PAFAH1B1: variants seen among roughly 807,000 people sequenced by gnomAD.
PAFAH1B1 encodes platelet activating factor acetylhydrolase 1b regulatory subunit 1.
Under a neutral mutation model 57.5 loss-of-function variants are expected in PAFAH1B1, and 2 were observed. The observed-to-expected ratio is 0.03, with a 90% CI of 0.01 to 0.11. The LOEUF (loss-of-function observed/expected upper bound fraction) is 0.11. Among genes scored for constraint, PAFAH1B1 ranks in the 10% least tolerant of loss-of-function variants. The pLI is 1.00. For missense variants in PAFAH1B1, 257 were observed against 512.0 expected, an observed-to-expected ratio of 0.50 and a Z score of 4.81; for synonymous variants, 152 against 169.6, an observed-to-expected ratio of 0.90 and a Z score of 0.81.
chr17:2,605,407 T>C (rs1348165177), intron 1 of PAFAH1B1, among the ~76,000 whole-genome samples: 3 of 152,222 alleles, frequency 2.0e-5, no homozygotes, highest in Non-Finnish European at 4.4e-5. Flanking sequence ...AAACCCATCA[T>C]CAGCTTTTTA....
intron 1 of PAFAH1B1, among the ~76,000 whole-genome samples, chr17:2,612,768 G>A (rs761963800): frequency 5.3e-5 from 8 of 151,716 alleles, no homozygotes; most frequent in Non-Finnish European, 1.2e-4. Context: ...GCACCACTAC[G>A]CCTGGCTGTT....
At chr17:2,649,307 TCA>T (rs1008552603) in intron 2 of PAFAH1B1, among the ~76,000 whole-genome samples, 3 of 151,816 alleles carry the variant, frequency 2.0e-5, no homozygotes, top group Non-Finnish European at 4.4e-5. Context: ...GTGCAGTGGC[TCA>T]CACCTTTAAT....
At chr17:2,659,520 CAAAAAAAAAA>C (rs1162326785) in intron 2 of PAFAH1B1, 23 of 42,852 alleles carry the variant, frequency 5.4e-4, no homozygotes, top group South Asian at 1.8e-3. Flanking sequence ...ACTGCCTCGC[CAAAAAAAAAA>C]AAAAAAAAAA....
Position 2,593,773 on chromosome 17 carries a change from G to C in PAFAH1B1, c.-424G>C, listed in dbSNP as rs914160890. On this transcript the variant is annotated 5_prime_UTR_variant, in exon 1 of 11. Transcript: ENST00000397195. ...GAGAAGGAGAAGGAGGGGAGCGCTCGGGCGCGAGCGAGAGAAACCGCGAGC... is the reference window on the plus strand; with the variant it reads ...GAGAAGGAGAAGGAGGGGAGCGCTCCGGCGCGAGCGAGAGAAACCGCGAGC... 5 of 390,980 alleles carry C rather than the reference G, an allele frequency of 1.3e-5. No individual in the cohort carries two copies. The highest frequency in any genetic ancestry group is 8.3e-5 in the African/African-American group (4 of 48,324). The allele number at this position is 390,980 out of a possible 1,614,324, so 24.2% of individuals were successfully genotyped here.
chr17:2,616,965 C>T (rs779589321), intron 1 of PAFAH1B1, among the ~76,000 whole-genome samples: 4 of 151,676 alleles, frequency 2.6e-5, no homozygotes, highest in Non-Finnish European at 5.9e-5. Context: ...CCCAGCTACT[C>T]GGGAGGCTGA....
intron 2 of PAFAH1B1, among the ~76,000 whole-genome samples, chr17:2,657,165 C>A (rs2068947124): frequency 6.6e-6 from 1 of 152,184 alleles, no homozygotes; most frequent in Non-Finnish European, 1.5e-5. Flanking sequence ...TGAGAGATTT[C>A]TTTTTTCCTG....
At chr17:2,611,546 A>AT (rs991614356) in intron 1 of PAFAH1B1, among the ~76,000 whole-genome samples, 2 of 152,020 alleles carry the variant, frequency 1.3e-5, no homozygotes, top group Non-Finnish European at 2.9e-5. Flanking sequence ...TATTGCTAGA[A>AT]TTTGCTTCAG....
At chr17:2,665,503 T>G (rs748886163) in intron 3 of PAFAH1B1, 47 bp downstream of exon 3, 15 of 1,065,714 alleles carry the variant, frequency 1.4e-5, no homozygotes, top group Non-Finnish European at 2.1e-5. Flanking sequence ...TGAGTGGATT[T>G]TCACTCAAGT....
intron 6 of PAFAH1B1, among the ~76,000 whole-genome samples, chr17:2,671,356 G>C (rs568473156): frequency 4.6e-5 from 7 of 151,600 alleles, no homozygotes; most frequent in African/African-American, 1.2e-4. Context: ...TTATAGGCAC[G>C]CGCCACCACG....
At chr17:2,610,735 G>C (rs1159789452) in intron 1 of PAFAH1B1, among the ~76,000 whole-genome samples, 1 of 152,234 alleles carries the variant, frequency 6.6e-6, no homozygotes, top group Non-Finnish European at 1.5e-5. Context: ...TTGGGCTAGA[G>C]TTTCTCATGG....
intron 1 of PAFAH1B1, among the ~76,000 whole-genome samples, chr17:2,633,763 C>CTGT (rs2068585909): frequency 6.6e-6 from 1 of 152,060 alleles, no homozygotes; most frequent in South Asian, 2.1e-4. Context: ...GGTTTGGATA[C>CTGT]TGTTGATTGC....
At chr17:2,677,608 A>G (rs576820475) in intron 9 of PAFAH1B1, among the ~76,000 whole-genome samples, 2 of 152,282 alleles carry the variant, frequency 1.3e-5, no homozygotes, top group East Asian at 3.9e-4. Context: ...TAATCCCCGC[A>G]CTTTGGGAGG....
intron 2 of PAFAH1B1, among the ~76,000 whole-genome samples, chr17:2,658,327 G>A (rs761342754): frequency 6.6e-6 from 1 of 152,094 alleles, no homozygotes; most frequent in Non-Finnish European, 1.5e-5. Flanking sequence ...GGGTAAAGAG[G>A]GAAACACAGA....
At chr17:2,657,089 CT>C (rs2068945854) in intron 2 of PAFAH1B1, among the ~76,000 whole-genome samples, 1 of 152,242 alleles carries the variant, frequency 6.6e-6, no homozygotes, top group East Asian at 1.9e-4. Context: ...GCATCTTTGC[CT>C]TGTTCTTTGA....
intron 6 of PAFAH1B1, among the ~76,000 whole-genome samples, chr17:2,670,841 C>T (rs1039570360): frequency 6.6e-6 from 1 of 152,146 alleles, no homozygotes; most frequent in Non-Finnish European, 1.5e-5. Context: ...CACCTGGGTT[C>T]AAATTCCTAC....
At chr17:2,631,957 C>T (rs1260092667) in intron 1 of PAFAH1B1, among the ~76,000 whole-genome samples, 1 of 152,120 alleles carries the variant, frequency 6.6e-6, no homozygotes, top group Non-Finnish European at 1.5e-5. Flanking sequence ...TGTAATGAAC[C>T]ATTATGTACC....
chr17:2,676,219 A>T, intron 8 of PAFAH1B1: 1 of 365,430 alleles, frequency 2.7e-6, no homozygotes, highest in Non-Finnish European at 5.2e-6. Context: ...CTCTACTAAA[A>T]ATACAAAAAT....
chr17:2,612,725 C>G (rs933780938), intron 1 of PAFAH1B1, among the ~76,000 whole-genome samples: 5 of 151,964 alleles, frequency 3.3e-5, no homozygotes, highest in Non-Finnish European at 7.4e-5. Context: ...TCCTCCTGCC[C>G]CAGCCTCCTA....
intron 9 of PAFAH1B1, among the ~76,000 whole-genome samples, chr17:2,679,071 C>A (rs149916679): frequency 6.6e-6 from 1 of 152,306 alleles, no homozygotes; most frequent in East Asian, 1.9e-4. Flanking sequence ...CTACCATGTT[C>A]AACTGTGCAG....
Sources: allele counts gnomAD v4.1 joint callset (sites outside exome capture counted in the v4.1 genomes callset), GRCh38; gene constraint gnomAD v4.1.1; transcripts MANE v1.5; gene names NCBI Gene and HGNC (gene_info 2026-07-23, HGNC 2026-07-21).